The following CTNNA3 variants were observed in gnomAD, a reference collection of about 807,000 sequenced individuals.
The protein encoded by CTNNA3 is catenin alpha 3.
Under a neutral mutation model 95.7 loss-of-function variants are expected in CTNNA3, and 76 were observed. The observed-to-expected ratio is 0.79, with a 90% CI of 0.66 to 0.96. The LOEUF is 0.96. CTNNA3 is among the 40% of genes least tolerant of loss of function. The pLI is 0.00. For synonymous variants in CTNNA3, 431 were observed against 374.4 expected (o/e 1.15, Z -1.74); for missense variants, 1,191 against 1,089.8 (o/e 1.09, Z -1.31).
intron 10 of CTNNA3, among the ~76,000 whole-genome samples, chr10:66,591,804 C>T (rs1383859860): frequency 1.3e-5 from 2 of 152,042 alleles, no homozygotes; most frequent in Non-Finnish European, 2.9e-5. Context: ...AATAATACAA[C>T]ACTCCAAATA....
chr10:67,175,741 A>T (rs1216924335), intron 7 of CTNNA3, among the ~76,000 whole-genome samples: 1 of 152,148 alleles, frequency 6.6e-6, no homozygotes, highest in Non-Finnish European at 1.5e-5. Context: ...TATCTAACAC[A>T]TCCAACCCAA....
At chr10:67,058,883 T>C (rs1855594112) in intron 7 of CTNNA3, among the ~76,000 whole-genome samples, 1 of 152,160 alleles carries the variant, frequency 6.6e-6, no homozygotes, top group African/African-American at 2.4e-5. Context: ...AGATACTTAG[T>C]ATGACTACAC....
At chr10:67,051,006 A>T (rs999587606) in intron 7 of CTNNA3, among the ~76,000 whole-genome samples, 1 of 152,372 alleles carries the variant, frequency 6.6e-6, no homozygotes, top group African/African-American at 2.4e-5. Context: ...CTCTTGGAAC[A>T]GTTACAAAGA....
intron 7 of CTNNA3, chr10:66,925,786 A>G (rs1847032274): frequency 3.4e-6 from 1 of 297,428 alleles, no homozygotes; most frequent in Non-Finnish European, 6.7e-6. Context: ...ATGTTTAGCA[A>G]TTAAGTGGAC....
intron 13 of CTNNA3, among the ~76,000 whole-genome samples, chr10:66,274,333 C>T (rs2132139622): frequency 6.7e-6 from 1 of 149,932 alleles, no homozygotes; most frequent in South Asian, 2.1e-4. Flanking sequence ...ACATTAAAAC[C>T]ATTCTTAGGC....
chr10:66,205,502 G>A (rs2087702063), intron 13 of CTNNA3, among the ~76,000 whole-genome samples: 1 of 151,830 alleles, frequency 6.6e-6, no homozygotes, highest in South Asian at 2.1e-4. Flanking sequence ...TATAACTTAA[G>A]TTCTCAACTC....
At chr10:66,542,310 C>T (rs889803622) in intron 10 of CTNNA3, among the ~76,000 whole-genome samples, 3 of 152,036 alleles carry the variant, frequency 2.0e-5, no homozygotes, top group African/African-American at 7.2e-5. Context: ...ACTAGTTCAA[C>T]CATTGTGGAA....
At chr10:67,241,200 CA>C (rs61101300) in intron 5 of CTNNA3, among the ~76,000 whole-genome samples, 30,940 of 151,936 alleles carry the variant, frequency 0.2, 3,645 homozygotes, top group African/African-American at 0.33. Context: ...GCAGGTGGAT[CA>C]CCTGAGGTCA....
At chr10:66,142,658 G>A (rs955712574) in intron 13 of CTNNA3, among the ~76,000 whole-genome samples, 4 of 151,998 alleles carry the variant, frequency 2.6e-5, no homozygotes, top group Non-Finnish European at 4.4e-5. Context: ...CTTTTGCTAT[G>A]ACACTGTGAC....
intron 13 of CTNNA3, among the ~76,000 whole-genome samples, chr10:66,143,378 G>A (rs1024008550): frequency 6.6e-5 from 10 of 152,154 alleles, no homozygotes; most frequent in East Asian, 1.9e-4. Flanking sequence ...TTGTTTTTAA[G>A]TTTCTTGCTG....
At chr10:66,800,876 A>G (rs1330914973) in intron 7 of CTNNA3, among the ~76,000 whole-genome samples, 1 of 151,336 alleles carries the variant, frequency 6.6e-6, no homozygotes, top group East Asian at 1.9e-4. Flanking sequence ...ATTCAAGAAA[A>G]CTTGACAAAA....
At chr10:66,578,969 CTT>C (rs368410578) in intron 10 of CTNNA3, among the ~76,000 whole-genome samples, 48 of 140,518 alleles carry the variant, frequency 3.4e-4, no homozygotes, top group Non-Finnish European at 5.0e-4. Flanking sequence ...TGCTCTAGGC[CTT>C]TTTTTTTTTT....
chr10:66,623,167 C>T (rs1368471691), intron 9 of CTNNA3, among the ~76,000 whole-genome samples: 1 of 152,106 alleles, frequency 6.6e-6, no homozygotes, highest in Admixed American at 6.6e-5. Flanking sequence ...TGAAACTTGA[C>T]AGTCTAATTG....
chr10:67,117,224 C>A (rs1200742544), intron 7 of CTNNA3, among the ~76,000 whole-genome samples: 1 of 151,800 alleles, frequency 6.6e-6, no homozygotes, highest in African/African-American at 2.4e-5. Context: ...GGAAATTTAA[C>A]CATGTGATCT....
intron 14 of CTNNA3, among the ~76,000 whole-genome samples, chr10:66,098,432 A>T (rs961648571): frequency 2.0e-5 from 3 of 152,210 alleles, no homozygotes; most frequent in Admixed American, 6.5e-5. Context: ...GATAACAAAA[A>T]ATAAGCTCCA....
chr10:66,816,714 G>A (rs1486471646), intron 7 of CTNNA3, among the ~76,000 whole-genome samples: 1 of 152,008 alleles, frequency 6.6e-6, no homozygotes, highest in Non-Finnish European at 1.5e-5. Flanking sequence ...TCTAAAAATT[G>A]CAGATTGTAC....
At chr10:67,161,000 G>A (rs1288379886) in intron 7 of CTNNA3, among the ~76,000 whole-genome samples, 3 of 152,168 alleles carry the variant, frequency 2.0e-5, no homozygotes, top group African/African-American at 7.2e-5. Flanking sequence ...GAAGCAGAGG[G>A]TAGAATGGTG....
At chr10:66,346,105 A>C (rs994170648) in intron 12 of CTNNA3, among the ~76,000 whole-genome samples, 1 of 148,706 alleles carries the variant, frequency 6.7e-6, no homozygotes, top group African/African-American at 2.5e-5. Flanking sequence ...AAGAATATTT[A>C]GTTGGAAACC....
At chr10:67,726,450 TTA>T (rs1841222201) in intron 1 of CTNNA3, among the ~76,000 whole-genome samples, 5 of 78,736 alleles carry the variant, frequency 6.4e-5, no homozygotes, top group South Asian at 4.2e-4. Flanking sequence ...ATATATAATA[TTA>T]TATATGATAT....
Sources: allele counts gnomAD v4.1 joint callset (sites outside exome capture counted in the v4.1 genomes callset), GRCh38; gene constraint gnomAD v4.1.1; transcripts MANE v1.5; gene names NCBI Gene and HGNC (gene_info 2026-07-23, HGNC 2026-07-21).